The following PKD1 variants were observed in gnomAD, a reference collection of about 807,000 sequenced individuals.
PKD1 encodes the protein polycystin-1.
PKD1 carries 81 observed loss-of-function variants against 361.7 expected under a neutral mutation model. That is an observed-to-expected ratio of 0.22 (90% confidence interval 0.19 to 0.27). The LOEUF is 0.27. Among genes scored for constraint, PKD1 ranks in the 10% least tolerant of loss-of-function variants. The pLI, the probability that PKD1 is intolerant of heterozygous loss-of-function variation, is 1.00. For synonymous variants in PKD1, 3,615 were observed against 2,818.3 expected (o/e 1.28, Z -8.95); for missense variants, 6,399 against 6,118.3 (o/e 1.05, Z -1.53).
intron 38 of PKD1, 64 bp from the exon 39 acceptor site, chr16:2,092,656 C>T: frequency 8.6e-7 from 1 of 1,162,474 alleles, no homozygotes; most frequent in South Asian, 1.3e-5. Flanking sequence ...AGTGAGCGGC[C>T]ACCAGAGACC....
In PKD1 at chr16:2,111,829, T is replaced by C. The variant is rs746788425; in HGVS notation, c.3338A>G (p.Asn1113Ser). 3.7e-6 allele frequency: 6 copies of C among 1,610,182 alleles called. No individual in the cohort carries two copies. The highest frequency in any genetic ancestry group is 5.1e-6 in the Non-Finnish European group (6 of 1,179,542). ...GCTCACAGGCACCTGCTGCGTCAGG[T>C]TCTCGAAGGCATTAGATGCCAGCAC... ...LTVLASNAFE[N>S]LTQQVPVSVR... is the part of the protein sequence containing the mutation. Residue 1113 changes from asparagine (N) to serine (S), a missense_variant, in exon 15 of 46, where the codon AAC (asparagine) becomes AGC (serine). By Grantham distance (46) the Asn-to-Ser change is conservative. Transcript: ENST00000262304.
rs771883182 is a variant in PKD1, at chr16:2,106,101, C to A, written c.7693G>T (p.Ala2565Ser). The change falls in exon 19 of 46, where the codon GCC becomes TCC. Residue 2565 changes from alanine to serine, a missense_variant. Coordinates refer to ENST00000262304, the MANE Select transcript of PKD1 (RefSeq NM_001009944.3). This position sits in a 1 kb window ranked among gnomAD's most constrained non-coding sequence, Gnocchi z 6.5. ...CACGGCCTGGCTCACCTGTTGAGGG[C>A]GACCACAGCGGCTCCCAGCTGGTCC... ...VQDQLGAAVV[A>S]LNRSLAITLP... 3 of 1,604,332 alleles carry A rather than the reference C, an allele frequency of 1.9e-6. No homozygotes were observed. Among genetic ancestry groups the A allele is most frequent in the Non-Finnish European group, 2.6e-6 (3 of 1,175,568 alleles).
Position 2,088,802 on chromosome 16 carries a change from GTAC to G in PKD1, c.*922_*924del. 1 of 758,636 alleles carries G rather than the reference GTAC, an allele frequency of 1.3e-6. No homozygotes were observed. The highest frequency in any genetic ancestry group is 1.8e-5 in the South Asian group (1 of 54,186). 47.0% of individuals were successfully genotyped at this position (758,636 alleles called of 1,614,324 possible). The stretch of plus-strand genomic sequence containing the variant: ...AGAAGCGGCCATGCCCACAGAAGTG[GTAC>G]ACAGAAGCAGGCACAGCCAGCTCCG... On this transcript the variant is annotated 3_prime_UTR_variant, in exon 46 of 46. Coordinates refer to ENST00000262304, the MANE Select transcript of PKD1 (RefSeq NM_001009944.3).
At chr16:2,115,330 G>C in intron 10 of PKD1, 48 bp downstream of exon 10, 1 of 1,441,772 alleles carries the variant, frequency 6.9e-7, no homozygotes, top group Non-Finnish European at 9.5e-7. Flanking sequence ...CAGACAGGAA[G>C]GTGGCCTGAG....
rs551826543 is a variant in PKD1 at position 2,111,100 on chromosome 16, G to A, written c.4067C>T (p.Pro1356Leu). 46 of 1,610,744 alleles carry A rather than the reference G, an allele frequency of 2.9e-5. No individual in the cohort carries two copies. The South Asian group carries it at 4.3e-4, about 15-fold the overall frequency. Residue 1356 changes from proline to leucine, a missense_variant, in exon 15 of 46, where the codon CCC becomes CTC. By Grantham distance (98) the Pro-to-Leu change is moderately conservative (BLOSUM62 -3). Transcript: ENST00000262304. ...THNFTRSGTF[P>L]LALVLSSRVN... Reference sequence around the variant, plus strand: ...GCGGCTGGACAGCACCAGCGCCAGGGGGAACGTGCCGCTCCGCGTGAAGTT... The same window carrying A: ...GCGGCTGGACAGCACCAGCGCCAGGAGGAACGTGCCGCTCCGCGTGAAGTT...
intron 22 of PKD1, among the ~76,000 whole-genome samples, chr16:2,104,199 AT>A (rs1169317784): frequency 3.5e-3 from 49 of 13,980 alleles, no homozygotes; most frequent in African/African-American, 6.0e-3. Context: ...GGGAAGGGGG[AT>A]AAGGGAGGGG....
chr16:2,105,981 C>T lies in PKD1; in HGVS notation c.7747G>A (p.Gly2583Arg). 1 of 1,602,612 alleles carries T rather than the reference C, an allele frequency of 6.2e-7. No homozygotes were observed. Among genetic ancestry groups the T allele is most frequent in the South Asian group, 1.1e-5 (1 of 90,986 alleles). ...AGCCCGTGCAGCCAGACTGTGAGCC[C>T]CGTTGCGCTGCCGTTGGGCTCTGGG... ...TLPEPNGSAT[G>R]LTVWLHGLTA... is the part of the protein sequence containing the mutation. Residue 2583 changes from glycine to arginine, a missense_variant, in exon 20 of 46, where the codon GGG becomes AGG. Gly to Arg is a moderately radical substitution (Grantham distance 125). Transcript: ENST00000262304.
intron 1 of PKD1, among the ~76,000 whole-genome samples, chr16:2,130,475 T>C (rs1370829390): frequency 6.6e-6 from 1 of 152,248 alleles, no homozygotes; most frequent in Non-Finnish European, 1.5e-5. Flanking sequence ...GAGAATCATC[T>C]GCGTGTTGGT....
chr16:2,106,701 G>C lies in PKD1; in HGVS notation c.7210-24C>G, dbSNP rs769351879. On this transcript the variant is annotated intron_variant, in intron 17 of 45. Transcript: ENST00000262304. The surrounding 1 kb of genome is among the most constrained non-coding windows in gnomAD (Gnocchi z 6.5). Reference sequence around the variant, plus strand: ...CGCTGCAGGCAGAAGGGGTGGTGAGGGGGCGCAACCCTCTGCCCTGTCAGC... The same window carrying C: ...CGCTGCAGGCAGAAGGGGTGGTGAGCGGGCGCAACCCTCTGCCCTGTCAGC... 3.2e-6 allele frequency: 5 copies of C among 1,582,500 alleles called. No individual in the cohort carries two copies. The South Asian group carries it at 5.6e-5, about 18-fold the overall frequency.
In PKD1 at chr16:2,097,199, C is replaced by G. The variant is rs1376191704; in HGVS notation, c.10448G>C (p.Ser3483Thr). The G allele has an allele frequency of 6.4e-7, 1 of 1,565,426 alleles. No individual in the cohort carries two copies. ...GTGGGTGTCTTGGGTAGGGGCTGGGCTGCTGACCCCCTCGGCAAGGACCTG... is the reference window on the plus strand; with the variant it reads ...GTGGGTGTCTTGGGTAGGGGCTGGGGTGCTGACCCCCTCGGCAAGGACCTG... ...IQQVLAEGVS[S>T]PAPTQDTHME... The change falls in exon 34 of 46, where the codon AGC becomes ACC. Residue 3483 changes from serine to threonine, a missense_variant. Ser to Thr is a moderately conservative substitution (Grantham distance 58). Coordinates refer to ENST00000262304, the MANE Select transcript of PKD1 (RefSeq NM_001009944.3).
chr16:2,105,590 C>T (rs2092309750), intron 20 of PKD1, 116 bp from the exon 21 acceptor site: 3 of 1,588,904 alleles, frequency 1.9e-6, no homozygotes, highest in African/African-American at 1.3e-5. Context: ...GTGATGCGGG[C>T]ACTGACCCAC....
chr16:2,099,647 G>A lies in PKD1; in HGVS notation c.10047C>T (p.Ser3349=), dbSNP rs776174923. 2.5e-6 allele frequency: 4 copies of A among 1,590,656 alleles called. No individual in the cohort carries two copies. Among genetic ancestry groups the A allele is most frequent in the East Asian group, 4.5e-5 (2 of 44,544 alleles). ...CGGGTCCCCAGCCCCAGCCCACCTT[G>A]CTCCGGGACATCCGGAAGAGAAAAA... ...AILFLFRMSR[S]KVAGSPSPTP... Residue 3349 remains serine (S), a synonymous_variant, in exon 30 of 46, where the codon AGC becomes AGT. Transcript: ENST00000262304.
Position 2,115,735 on chromosome 16 carries a change from C to G in PKD1, c.1850-110G>C, listed in dbSNP as rs1255071183. On this transcript the variant is annotated intron_variant, in intron 9 of 45. Coordinates refer to ENST00000262304, the MANE Select transcript of PKD1 (RefSeq NM_001009944.3). ...GCCTTGCTGTGAGGACAGGTCTCCC[C>G]ACCTGGGCAGCACTCCCAGCCCAGT... 3 of 1,135,114 alleles carry G rather than the reference C, an allele frequency of 2.6e-6. No individual in the cohort carries two copies. In the African/African-American group the frequency reaches 4.9e-5, roughly 18 times the overall value. The allele number at this position is 1,135,114 out of a possible 1,614,324, so 70.3% of individuals were successfully genotyped here. A position where few individuals can be genotyped will look rare whatever the true frequency, so the allele number is the denominator to read the frequency against.
chr16:2,135,095 C>T, intron 1 of PKD1: 1 of 978,240 alleles, frequency 1.0e-6, no homozygotes, highest in Non-Finnish European at 1.2e-6. Context: ...CAGACACCTC[C>T]TGGAACTCTT....
In PKD1 at chr16:2,102,402, G is replaced by C; in HGVS notation, c.9180C>G (p.Ser3060Arg). ...TCACAGGAAACACAAAGCGGACATG[G>C]CTTGGGGGCACGAAGAGGCTGGCGC... The part of the protein sequence containing the change: ...AFGASLFVPP[S>R]HVRFVFPEPT... Residue 3060 changes from serine (S) to arginine (R), a missense_variant, in exon 25 of 46, where the codon AGC (serine) becomes AGG (arginine). Transcript: ENST00000262304. 6.4e-7 allele frequency: 1 copy of C among 1,558,366 alleles called. No homozygotes were observed.
chr16:2,091,326 G>A (rs1385448891), intron 42 of PKD1, 97 bp downstream of exon 42: 1 of 542,534 alleles, frequency 1.8e-6, no homozygotes. Flanking sequence ...GAGGGGGCGG[G>A]GCGCTGCGAG....
At chr16:2,123,522 G>A (rs1384894690) in intron 1 of PKD1, 1 of 456,386 alleles carries the variant, frequency 2.2e-6, no homozygotes, top group Admixed American at 2.3e-5. Flanking sequence ...GCCGTTCTGG[G>A]GGAACGCCAA....
At position 2,091,543 on chromosome 16, in the gene PKD1, G is replaced by T. The variant is rs569270149; in HGVS notation, c.11592C>A (p.His3864Gln). 10 of 1,518,768 alleles carry T rather than the reference G, an allele frequency of 6.6e-6. No individual in the cohort carries two copies. The highest frequency in any genetic ancestry group is 7.0e-6 in the Non-Finnish European group (8 of 1,146,332). The allele number at this position is 1,518,768 out of a possible 1,614,324, so 94.1% of individuals were successfully genotyped here. ...LTRYSPAVGL[H>Q]AAVTLRLEFP... ...ACTCGAGGCGCAGCGTGACGGCGGCGTGCAGCCCCACGGCCGGGCTGTAGC... is the reference window on the plus strand; with the variant it reads ...ACTCGAGGCGCAGCGTGACGGCGGCTTGCAGCCCCACGGCCGGGCTGTAGC... The change falls in exon 42 of 46, where the codon CAC becomes CAA. Residue 3864 changes from histidine (H) to glutamine (Q), a missense_variant. Transcript: ENST00000262304.
At position 2,094,179 on chromosome 16, in the gene PKD1, G is replaced by C. The variant is rs141946034; in HGVS notation, c.10531C>G (p.Leu3511Val). ...AGCTCCCCCAGCCTCTGCAGCGCCAGCGTCTCTGTCTTCTCCCCAGGAGTG... is the reference window on the plus strand; with the variant it reads ...AGCTCCCCCAGCCTCTGCAGCGCCACCGTCTCTGTCTTCTCCCCAGGAGTG... ...SSTPGEKTET[L>V]ALQRLGELGP... Residue 3511 changes from leucine (L) to valine (V), a missense_variant, in exon 35 of 46, where the codon CTG (leucine) becomes GTG (valine). Physicochemically the swap from Leu to Val is conservative, Grantham distance 32. Transcript: ENST00000262304. 1,511 of 1,606,412 alleles carry C rather than the reference G, an allele frequency of 9.4e-4. 2 individuals are homozygous for C. Among genetic ancestry groups the C allele is most frequent in the Non-Finnish European group, 1.1e-3 (1,251 of 1,176,138 alleles).
Sources: allele counts gnomAD v4.1 joint callset (sites outside exome capture counted in the v4.1 genomes callset), GRCh38; gene constraint gnomAD v4.1.1; non-coding constraint Gnocchi (gnomAD v3.1); transcripts MANE v1.5; gene names NCBI Gene and HGNC (gene_info 2026-07-23, HGNC 2026-07-21).